Variants in GLI2 observed in about 807,000 individuals in gnomAD.
GLI2 encodes the protein GLI family zinc finger 2.
GLI2 carries 22 observed loss-of-function variants against 78.9 expected under a neutral mutation model. The observed-to-expected ratio is 0.28, with a 90% confidence interval of 0.20 to 0.40. The LOEUF (loss-of-function observed/expected upper bound fraction) is 0.40, where lower values mean the gene tolerates loss of function less well. Among genes scored for constraint, GLI2 ranks in the 10% least tolerant of loss-of-function variants. GLI2 has a pLI of 1.00. For missense variants in GLI2, 2,097 were observed against 2,213.2 expected (o/e 0.95, Z 1.05); for synonymous variants, 974 against 963.7 (o/e 1.01, Z -0.20).
intron 2 of GLI2, among the ~76,000 whole-genome samples, chr2:120,903,484 A>G (rs989851071): frequency 6.6e-6 from 1 of 152,210 alleles, no homozygotes; most frequent in Non-Finnish European, 1.5e-5. Flanking sequence ...TGAGAGAGAC[A>G]AAGTCCCACT....
chr2:120,859,159 T>A (rs1254389339), intron 2 of GLI2, among the ~76,000 whole-genome samples: 1 of 152,230 alleles, frequency 6.6e-6, no homozygotes, highest in Non-Finnish European at 1.5e-5. Flanking sequence ...CCTTAGGATC[T>A]CCAAAACGTC....
chr2:120,831,110 A>T, intron 2 of GLI2, among the ~76,000 whole-genome samples: 1 of 142,274 alleles, frequency 7.0e-6, no homozygotes, highest in Non-Finnish European at 1.5e-5. Flanking sequence ...TCTTTCTGTC[A>T]TCCTCTCTCT....
At chr2:120,975,244 C>G in intron 9 of GLI2, 135 bp downstream of exon 9, 1 of 763,858 alleles carries the variant, frequency 1.3e-6, no homozygotes, top group Non-Finnish European at 2.1e-6. Flanking sequence ...GCCACATCCC[C>G]TGCAAGTGGG....
chr2:120,910,917 G>C (rs954135146), intron 2 of GLI2, among the ~76,000 whole-genome samples: 3 of 152,254 alleles, frequency 2.0e-5, no homozygotes, highest in African/African-American at 7.2e-5. Context: ...AAAATACCAA[G>C]GCTGGCCTTG....
intron 2 of GLI2, among the ~76,000 whole-genome samples, chr2:120,869,372 C>T (rs189065520): frequency 1.3e-3 from 201 of 152,264 alleles, no homozygotes; most frequent in Middle Eastern, 3.4e-3. Context: ...AATCATGATC[C>T]CCACCTTCCA....
intron 2 of GLI2, 35 bp downstream of exon 2, chr2:120,797,503 G>T (rs758570056): frequency 4.7e-5 from 75 of 1,603,562 alleles, no homozygotes; most frequent in Non-Finnish European, 6.3e-5. Flanking sequence ...AGGGCAGCAG[G>T]GGTGTTTTTC....
In GLI2 at chr2:120,800,664, C is replaced by T. The variant is rs999216185; in HGVS notation, c.148+3196C>T. Reference sequence around the variant, plus strand: ...GGACTACAGGCACCCGCCACCACACCTGGCTAATTTTTTTGTATTTTTTAG... The same window carrying T: ...GGACTACAGGCACCCGCCACCACACTTGGCTAATTTTTTTGTATTTTTTAG... On this transcript the variant is annotated intron_variant, in intron 2 of 13. Coordinates refer to ENST00000361492, the MANE Select transcript of GLI2 (RefSeq NM_001374353.1). The surrounding 1 kb of genome is among the most constrained non-coding windows in gnomAD (Gnocchi z 4.1). 3.3e-5 allele frequency among the ~76,000 whole-genome samples: 5 copies of T among 152,058 alleles called. No individual in the cohort carries two copies. Among genetic ancestry groups the T allele is most frequent in the African/African-American group, 1.2e-4 (5 of 41,512 alleles).
At chr2:120,863,374 ACCCCACACCTGTGATTG>A (rs1295096166) in intron 2 of GLI2, among the ~76,000 whole-genome samples, 3 of 151,994 alleles carry the variant, frequency 2.0e-5, no homozygotes, top group African/African-American at 7.2e-5. Context: ...CGCGGTCTCC[ACCCCACACCTGTGATTG>A]CACAACCCCA....
rs796101375 is a variant in GLI2, at chr2:120,752,025, G to A, written c.-31+15740G>A. On this transcript the variant is annotated intron_variant, in intron 1 of 13. Coordinates refer to ENST00000361492, the MANE Select transcript of GLI2 (RefSeq NM_001374353.1). ...GAAATGTATAGTGTTGAGTGAGCAC[G>A]ACCCCCACTAGAGAGAACGGCTGAT... Among the ~76,000 whole-genome samples the A allele has an allele frequency of 2.0e-4, 30 of 152,274 alleles. 1 individual carries two copies. Among genetic ancestry groups the A allele is most frequent in the African/African-American group, 7.0e-4 (29 of 41,562 alleles).
At chr2:120,792,447 TG>T (rs1261377081) in intron 1 of GLI2, 1 of 152,132 alleles carries the variant, frequency 6.6e-6, no homozygotes, top group Non-Finnish European at 1.5e-5. Flanking sequence ...AGGTCAGCCG[TG>T]GGGGCTAATG....
intron 2 of GLI2, among the ~76,000 whole-genome samples, chr2:120,826,416 ACCCAG>A (rs1686062590): frequency 1.3e-5 from 2 of 152,148 alleles, no homozygotes; most frequent in East Asian, 3.9e-4. Context: ...CAGGCCCAGA[ACCCAG>A]CCAGCCCCCT....
At chr2:120,915,235 C>T (rs183325091) in intron 2 of GLI2, among the ~76,000 whole-genome samples, 125 of 152,278 alleles carry the variant, frequency 8.2e-4, no homozygotes, top group Admixed American at 1.8e-3. Flanking sequence ...TGTGCGTGGG[C>T]GGACCCAGCA....
At position 120,797,337 on chromosome 2, in the gene GLI2, C is replaced by T. The variant is rs772252117; in HGVS notation, c.17C>T (p.Ser6Leu). METSASATASEKQEAK... is the reference protein window; with the variant it reads METSALATASEKQEAK... The stretch of plus-strand genomic sequence containing the variant: ...GCGGCTGAGATGGAGACGTCTGCCT[C>T]AGCCACTGCCTCCGAGAAGCAAGAA... The change falls in exon 2 of 14, where the codon TCA becomes TTA. Residue 6 changes from serine (S) to leucine (L), a missense_variant. Around this residue, in one of 5 missense-constraint regions of GLI2, gnomAD observed 578 missense variants for 612.0 expected, o/e 0.94. Transcript: ENST00000361492. 1 of 1,614,032 alleles carries T rather than the reference C, an allele frequency of 6.2e-7. No individual in the cohort carries two copies. Among genetic ancestry groups the T allele is most frequent in the South Asian group, 1.1e-5 (1 of 91,048 alleles).
At chr2:120,875,146 C>G (rs936453060) in intron 2 of GLI2, among the ~76,000 whole-genome samples, 1 of 152,224 alleles carries the variant, frequency 6.6e-6, no homozygotes, top group African/African-American at 2.4e-5. Flanking sequence ...CATGGGGCTA[C>G]TTTGTATGTG....
chr2:120,801,951 G>T (rs1684726157), intron 2 of GLI2, among the ~76,000 whole-genome samples: 1 of 152,196 alleles, frequency 6.6e-6, no homozygotes, highest in Non-Finnish European at 1.5e-5. Context: ...TTAGATTGCT[G>T]TTAGACTTGG....
At chr2:120,912,292 G>C (rs1205816985) in intron 2 of GLI2, among the ~76,000 whole-genome samples, 1 of 85,718 alleles carries the variant, frequency 1.2e-5, no homozygotes, top group Non-Finnish European at 2.1e-5. Context: ...TTTTTTTTTT[G>C]ATGTCAGGAA....
chr2:120,948,815 T>G (rs1410171247), intron 3 of GLI2, among the ~76,000 whole-genome samples: 4 of 152,184 alleles, frequency 2.6e-5, no homozygotes, highest in Admixed American at 6.5e-5. Flanking sequence ...GCCACCGGCA[T>G]CTGATTACAG....
intron 3 of GLI2, among the ~76,000 whole-genome samples, chr2:120,946,932 A>C (rs570547616): frequency 1.3e-5 from 2 of 152,272 alleles, no homozygotes; most frequent in African/African-American, 4.8e-5. Context: ...GGCTGTGTTT[A>C]GTCTGTCAAA....
chr2:120,904,650 C>G (rs1012504791), intron 2 of GLI2, among the ~76,000 whole-genome samples: 7 of 152,190 alleles, frequency 4.6e-5, no homozygotes, highest in African/African-American at 1.4e-4. Flanking sequence ...GTTCTCAACG[C>G]CCCCTGCCCG....
Sources: allele counts gnomAD v4.1 joint callset (sites outside exome capture counted in the v4.1 genomes callset), GRCh38; gene constraint gnomAD v4.1.1; regional missense constraint gnomAD v4.1.1; non-coding constraint Gnocchi (gnomAD v3.1); transcripts MANE v1.5; gene names NCBI Gene and HGNC (gene_info 2026-07-23, HGNC 2026-07-21).